Variants in ATG5 observed in about 807,000 individuals in gnomAD.
The protein encoded by ATG5 is autophagy related 5.
A neutral mutation model predicts 36.5 loss-of-function variants in ATG5; 14 were observed. The ratio of observed to expected loss-of-function variants is 0.38; its 90% CI spans 0.25 to 0.60. The LOEUF is 0.60. Ranked by LOEUF, ATG5 falls within the 20% of genes least tolerant of loss-of-function variation. ATG5 has a pLI of 0.60. For missense variants in ATG5, 195 were observed against 326.7 expected, an observed-to-expected ratio of 0.60 and a Z score of 3.11; for synonymous variants, 95 against 101.5, an observed-to-expected ratio of 0.94 and a Z score of 0.38.
chr6:106,228,362 C>T (rs533972299), intron 6 of ATG5, among the ~76,000 whole-genome samples: 130 of 152,288 alleles, frequency 8.5e-4, no homozygotes, highest in African/African-American at 2.9e-3. Flanking sequence ...CGCCCATTGC[C>T]GATCCCGACT....
intron 5 of ATG5, among the ~76,000 whole-genome samples, chr6:106,265,286 GCAA>G (rs1243601841): frequency 1.3e-5 from 2 of 151,918 alleles, no homozygotes; most frequent in Non-Finnish European, 2.9e-5. Context: ...AGGGATCAAT[GCAA>G]CAACAAGAGC....
chr6:106,304,005 G>A (rs944418822), intron 3 of ATG5, among the ~76,000 whole-genome samples: 1 of 149,292 alleles, frequency 6.7e-6, no homozygotes, highest in Non-Finnish European at 1.5e-5. Flanking sequence ...AGAAATAAAA[G>A]GCCTACAGAT....
At chr6:106,199,168 T>C (rs1210674104) in intron 7 of ATG5, among the ~76,000 whole-genome samples, 1 of 152,148 alleles carries the variant, frequency 6.6e-6, no homozygotes, top group Non-Finnish European at 1.5e-5. Flanking sequence ...GTAGTTTCTT[T>C]TAAAATAAAA....
At chr6:106,323,103 GT>G (rs998487690) in intron 1 of ATG5, among the ~76,000 whole-genome samples, 1 of 151,194 alleles carries the variant, frequency 6.6e-6, no homozygotes, top group Non-Finnish European at 1.5e-5. Flanking sequence ...TTGTTTGTTT[GT>G]TTTTTTGTAT....
chr6:106,300,951 T>G (rs1215214651), intron 3 of ATG5, among the ~76,000 whole-genome samples: 2 of 152,086 alleles, frequency 1.3e-5, no homozygotes, highest in African/African-American at 4.8e-5. Context: ...AATGAGAAGC[T>G]TGTTCTAAAT....
intron 6 of ATG5, among the ~76,000 whole-genome samples, chr6:106,210,700 ACC>A (rs1332372733): frequency 6.6e-6 from 1 of 152,166 alleles, no homozygotes; most frequent in Non-Finnish European, 1.5e-5. Flanking sequence ...TACCTATATG[ACC>A]CTAGTCAAAT....
At chr6:106,201,281 G>A (rs1048539087) in intron 7 of ATG5, among the ~76,000 whole-genome samples, 2 of 149,466 alleles carry the variant, frequency 1.3e-5, no homozygotes, top group Non-Finnish European at 3.0e-5. Flanking sequence ...GTATATGTGT[G>A]TGTGTGTGTG....
chr6:106,301,376 C>T (rs1770199183), intron 3 of ATG5, among the ~76,000 whole-genome samples: 1 of 151,830 alleles, frequency 6.6e-6, no homozygotes, highest in Non-Finnish European at 1.5e-5. Context: ...TTGATATAAG[C>T]AATTAGAGAG....
intron 5 of ATG5, among the ~76,000 whole-genome samples, chr6:106,256,199 T>C (rs1325421047): frequency 6.6e-6 from 1 of 152,216 alleles, no homozygotes; most frequent in Non-Finnish European, 1.5e-5. Flanking sequence ...CCTTTATGCT[T>C]CTGGAGAGAA....
chr6:106,210,808 A>C (rs1279065003), intron 6 of ATG5, among the ~76,000 whole-genome samples: 2 of 152,186 alleles, frequency 1.3e-5, no homozygotes, highest in Non-Finnish European at 2.9e-5. Flanking sequence ...TGTGAAGGTT[A>C]TACAATTAAT....
At position 106,302,333 on chromosome 6, in the gene ATG5, T is replaced by A. The variant is rs140938322; in HGVS notation, c.236+6031A>T. Among the ~76,000 whole-genome samples, 19 of 152,188 alleles carry A rather than the reference T, an allele frequency of 1.2e-4. No homozygotes were observed. In the East Asian group the frequency reaches 3.3e-3, roughly 26 times the overall value. ...TGGAAAGACCTGGAAAGAAGTGGGA[T>A]CATGGACAACCTTTACACACACATC... is the stretch of plus-strand genomic sequence containing the variant. On this transcript the variant is annotated intron_variant, in intron 3 of 7. Transcript: ENST00000369076.
chr6:106,317,751 T>G (rs1218836616), intron 1 of ATG5, among the ~76,000 whole-genome samples: 1 of 152,194 alleles, frequency 6.6e-6, no homozygotes, highest in African/African-American at 2.4e-5. Context: ...GGCAAAAAAT[T>G]TCCAAGTTTA....
intron 6 of ATG5, among the ~76,000 whole-genome samples, chr6:106,233,615 C>A (rs956320196): frequency 6.6e-6 from 1 of 152,070 alleles, no homozygotes; most frequent in South Asian, 2.1e-4. Context: ...TGGGTAGTGG[C>A]GGCAGTAGCA....
intron 7 of ATG5, among the ~76,000 whole-genome samples, chr6:106,194,540 TTTTTC>T (rs1356245479): frequency 7.4e-5 from 11 of 148,612 alleles, no homozygotes; most frequent in East Asian, 2.0e-4. Flanking sequence ...TTTCTTTTTC[TTTTTC>T]TTTTTTTTTT....
At chr6:106,312,232 G>A (rs546271630) in intron 2 of ATG5, among the ~76,000 whole-genome samples, 10 of 152,266 alleles carry the variant, frequency 6.6e-5, no homozygotes, top group South Asian at 4.1e-4. Flanking sequence ...GTAAGTTACC[G>A]ACTATCTGGG....
chr6:106,262,260 T>G (rs1439864155), intron 5 of ATG5, among the ~76,000 whole-genome samples: 1 of 152,104 alleles, frequency 6.6e-6, no homozygotes, highest in East Asian at 1.9e-4. Flanking sequence ...GAGATGGGGT[T>G]TCACCACGTT....
chr6:106,241,509 C>G (rs769700428), intron 6 of ATG5, among the ~76,000 whole-genome samples: 3 of 152,186 alleles, frequency 2.0e-5, no homozygotes, highest in African/African-American at 4.8e-5. Context: ...CCCCAAATAA[C>G]TGAAAACAGG....
At chr6:106,187,831 C>T (rs528991589) in intron 7 of ATG5, among the ~76,000 whole-genome samples, 59 of 152,238 alleles carry the variant, frequency 3.9e-4, no homozygotes, top group African/African-American at 1.4e-3. Context: ...TTAGAGGCAG[C>T]ACAGTCCCAG....
intron 6 of ATG5, among the ~76,000 whole-genome samples, chr6:106,232,333 G>A (rs1646029152): frequency 6.6e-6 from 1 of 152,154 alleles, no homozygotes. Flanking sequence ...AGTTGTGACT[G>A]GGGAACTTCA....
Sources: gnomAD v4.1 joint callset for allele counts (sites outside exome capture counted in the v4.1 genomes callset) on GRCh38, gnomAD v4.1.1 for gene constraint, MANE v1.5 for transcripts, NCBI Gene and HGNC (gene_info 2026-07-23, HGNC 2026-07-21) for gene names.